Variants in ZNF423 observed in about 807,000 individuals in gnomAD.
ZNF423 encodes zinc finger protein 423.
ZNF423 carries 12 observed loss-of-function variants against 95.8 expected under a neutral mutation model. That is an observed-to-expected ratio of 0.13 (90% CI 0.08 to 0.20). The LOEUF is 0.20. ZNF423 is among the 10% of genes least tolerant of loss of function. The pLI is 1.00. For missense variants in ZNF423, 1,316 were observed against 1,737.1 expected (o/e 0.76, Z 4.31); for synonymous variants, 749 against 711.9 (o/e 1.05, Z -0.83).
chr16:49,788,491 G>A, intron 2 of ZNF423, among the ~76,000 whole-genome samples: 1 of 152,240 alleles, frequency 6.6e-6, no homozygotes, highest in Non-Finnish European at 1.5e-5. Context: ...AACATTAAAT[G>A]TTTATATACC....
intron 3 of ZNF423, among the ~76,000 whole-genome samples, chr16:49,658,848 G>A (rs1042362264): frequency 2.0e-5 from 3 of 152,172 alleles, no homozygotes; most frequent in Non-Finnish European, 2.9e-5. Flanking sequence ...CTCTTTCCTT[G>A]GAACCCCCGC....
At chr16:49,849,294 C>G (rs1282799437) in intron 1 of ZNF423, among the ~76,000 whole-genome samples, 2 of 152,134 alleles carry the variant, frequency 1.3e-5, no homozygotes, top group African/African-American at 4.8e-5. Flanking sequence ...GATACAAATG[C>G]CTATAAATCT....
intron 5 of ZNF423, among the ~76,000 whole-genome samples, chr16:49,620,662 C>A (rs1331030096): frequency 3.3e-5 from 5 of 152,140 alleles, no homozygotes; most frequent in Non-Finnish European, 2.9e-5. Flanking sequence ...GGGGCTCCCC[C>A]AAGGGGCCCG....
chr16:49,526,813 A>G (rs1968628422), intron 5 of ZNF423, among the ~76,000 whole-genome samples: 1 of 152,212 alleles, frequency 6.6e-6, no homozygotes, highest in African/African-American at 2.4e-5. Flanking sequence ...ATGAGCTAAT[A>G]CATGCACAGG....
At chr16:49,606,264 C>A in intron 5 of ZNF423, among the ~76,000 whole-genome samples, 1 of 126,996 alleles carries the variant, frequency 7.9e-6, no homozygotes, top group East Asian at 2.4e-4. Context: ...GTAATGCCCA[C>A]CGACAGCAGA....
Position 49,638,240 on chromosome 16 carries a change from G to A in ZNF423, c.936C>T (p.Phe312=), listed in dbSNP as rs966177282. 6.2e-6 allele frequency: 10 copies of A among 1,610,884 alleles called. No individual in the cohort carries two copies. The highest frequency in any genetic ancestry group is 1.7e-5 in the Admixed American group (1 of 60,012). ...DLQCIHCPEV[F]VDENTLLAHI... Reference sequence around the variant, plus strand: ...GGGCGAGCAGTGTGTTCTCGTCGACGAAGACCTCAGGGCAGTGAATGCACT... The same window carrying A: ...GGGCGAGCAGTGTGTTCTCGTCGACAAAGACCTCAGGGCAGTGAATGCACT... Residue 312 remains phenylalanine, a synonymous_variant, in exon 4 of 8, where the codon TTC becomes TTT. Coordinates refer to ENST00000563137, the MANE Select transcript of ZNF423 (RefSeq NM_001379286.1). This position sits in a 1 kb window ranked among gnomAD's most constrained non-coding sequence, Gnocchi z 5.6.
chr16:49,814,509 C>G (rs1001644860), intron 1 of ZNF423, among the ~76,000 whole-genome samples: 1 of 151,316 alleles, frequency 6.6e-6, no homozygotes, highest in Admixed American at 6.6e-5. Context: ...GGGACAGGAT[C>G]GGAGGGCAAG....
chr16:49,601,131 C>T (rs1971356901), intron 5 of ZNF423, among the ~76,000 whole-genome samples: 1 of 152,164 alleles, frequency 6.6e-6, no homozygotes, highest in African/African-American at 2.4e-5. Flanking sequence ...CATGTGCTGA[C>T]GACGGACTAA....
At position 49,638,044 on chromosome 16, in the gene ZNF423, C is replaced by T. The variant is rs199760788; in HGVS notation, c.1132G>A (p.Ala378Thr). 250 of 1,613,776 alleles carry T rather than the reference C, an allele frequency of 1.5e-4. No individual in the cohort carries two copies. The highest frequency in any genetic ancestry group is 7.2e-4 in the Admixed American group (43 of 59,976). ...VLGSVASMSS[A>T]TPDSSASVER... Reference sequence around the variant, plus strand: ...ACAGAGGCGCTGGAGTCGGGTGTGGCGCTGCTCATGGAGGCCACGCTGCCC... The same window carrying T: ...ACAGAGGCGCTGGAGTCGGGTGTGGTGCTGCTCATGGAGGCCACGCTGCCC... Residue 378 changes from alanine to threonine, a missense_variant, in exon 4 of 8, where the codon GCC becomes ACC. Transcript: ENST00000563137. The surrounding 1 kb of genome is among the most constrained non-coding windows in gnomAD (Gnocchi z 5.6).
chr16:49,613,922 A>G (rs541559368), intron 5 of ZNF423, among the ~76,000 whole-genome samples: 43 of 152,322 alleles, frequency 2.8e-4, no homozygotes, highest in African/African-American at 9.6e-4. Flanking sequence ...TTTGCACCAA[A>G]GGTATAATCC....
intron 5 of ZNF423, among the ~76,000 whole-genome samples, chr16:49,606,352 G>A (rs1033651391): frequency 2.6e-5 from 4 of 152,164 alleles, no homozygotes; most frequent in African/African-American, 9.7e-5. Flanking sequence ...CGAGGAAATG[G>A]TGTCATGCCA....
chr16:49,834,703 G>T (rs541934348), intron 1 of ZNF423, among the ~76,000 whole-genome samples: 1 of 152,272 alleles, frequency 6.6e-6, no homozygotes, highest in East Asian at 1.9e-4. Flanking sequence ...GGGCAGGGTG[G>T]CTGCCACTCG....
intron 3 of ZNF423, among the ~76,000 whole-genome samples, chr16:49,694,686 A>G (rs1200215307): frequency 6.6e-6 from 1 of 152,162 alleles, no homozygotes; most frequent in Non-Finnish European, 1.5e-5. Flanking sequence ...CTGGCCTCCA[A>G]GGGAAAGGAA....
Position 49,519,239 on chromosome 16 carries a change from C to T in ZNF423, c.3849+4385G>A, listed in dbSNP as rs190455549. On this transcript the variant is annotated intron_variant, in intron 7 of 7. Transcript: ENST00000563137. Reference sequence around the variant, plus strand: ...TTTGGGGCCATGACAAAGCTGTTATCATCATTCATGTAGAGGTATTGGTGT... The same window carrying T: ...TTTGGGGCCATGACAAAGCTGTTATTATCATTCATGTAGAGGTATTGGTGT... Among the ~76,000 whole-genome samples the T allele has an allele frequency of 5.9e-5, 9 of 152,318 alleles. No individual in the cohort carries two copies. The East Asian group carries it at 1.5e-3, about 26-fold the overall frequency.
intron 2 of ZNF423, among the ~76,000 whole-genome samples, chr16:49,735,608 G>A (rs964999543): frequency 4.6e-5 from 7 of 152,182 alleles, no homozygotes; most frequent in African/African-American, 2.4e-5. Context: ...TGCTATTCTA[G>A]ACTTCTGAGG....
chr16:49,702,924 CACA>C (rs1234040910), intron 3 of ZNF423, among the ~76,000 whole-genome samples: 6 of 134,302 alleles, frequency 4.5e-5, no homozygotes, highest in Non-Finnish European at 1.0e-4. Context: ...CACACACACA[CACA>C]CACACACACA....
intron 5 of ZNF423, among the ~76,000 whole-genome samples, chr16:49,577,484 G>A (rs936988648): frequency 3.3e-5 from 5 of 151,944 alleles, no homozygotes; most frequent in Middle Eastern, 3.2e-3. Context: ...AAGGCCCAGC[G>A]ACCAGCCAGG....
intron 3 of ZNF423, among the ~76,000 whole-genome samples, chr16:49,655,527 C>A (rs1274591155): frequency 6.6e-6 from 1 of 152,186 alleles, no homozygotes; most frequent in Non-Finnish European, 1.5e-5. Flanking sequence ...AGCATGGGGT[C>A]CCCTTCCACG....
chr16:49,767,013 C>G (rs1051555093), intron 2 of ZNF423, among the ~76,000 whole-genome samples: 1 of 151,656 alleles, frequency 6.6e-6, no homozygotes, highest in Non-Finnish European at 1.5e-5. Context: ...CTCTGTTGCC[C>G]AAGCTGTAGT....
Sources: gnomAD v4.1 joint callset for allele counts (sites outside exome capture counted in the v4.1 genomes callset) on GRCh38, gnomAD v4.1.1 for gene constraint, Gnocchi (gnomAD v3.1) non-coding constraint, MANE v1.5 for transcripts, NCBI Gene and HGNC (gene_info 2026-07-23, HGNC 2026-07-21) for gene names.